Variants in RHOJ observed in about 807,000 individuals in gnomAD.
The protein encoded by RHOJ is ras homolog family member J.
RHOJ carries 11 observed loss-of-function variants against 23.4 expected under a neutral mutation model. The ratio of observed to expected loss-of-function variants is 0.47; its 90% CI spans 0.30 to 0.78. The LOEUF (loss-of-function observed/expected upper bound fraction) is 0.78, where lower values mean the gene tolerates loss of function less well. Among genes scored for constraint, RHOJ ranks in the 30% least tolerant of loss-of-function variants. RHOJ has a pLI of 0.08. For synonymous variants in RHOJ, 102 were observed against 102.7 expected, an observed-to-expected ratio of 0.99 and a Z score of 0.04; for missense variants, 254 against 273.4, an observed-to-expected ratio of 0.93 and a Z score of 0.50.
intron 1 of RHOJ, among the ~76,000 whole-genome samples, chr14:63,252,504 C>T (rs541374230): frequency 6.6e-6 from 1 of 152,320 alleles, no homozygotes; most frequent in East Asian, 1.9e-4. Flanking sequence ...AAATACTTTT[C>T]ATCCTGAAAA....
At chr14:63,249,449 A>G (rs564684121) in intron 1 of RHOJ, among the ~76,000 whole-genome samples, 1 of 152,212 alleles carries the variant, frequency 6.6e-6, no homozygotes, top group African/African-American at 2.4e-5. Context: ...CTACGCCTTG[A>G]CTCATGCAGT....
In RHOJ at chr14:63,258,554, TTGAC is replaced by T. The variant is rs199985750; in HGVS notation, c.179-10552_179-10549del. Reference sequence around the variant, plus strand: ...CATTCCCCTTCTATTTTCCCCTCCTTTGACTGAGGAGAGAAAGCACCCTTGGCCA... The same window carrying T: ...CATTCCCCTTCTATTTTCCCCTCCTTTGAGGAGAGAAAGCACCCTTGGCCA... On this transcript the variant is annotated intron_variant, in intron 1 of 4. Coordinates refer to ENST00000316754, the MANE Select transcript of RHOJ (RefSeq NM_020663.5). Among the ~76,000 whole-genome samples, 20 of 152,272 alleles carry T rather than the reference TTGAC, an allele frequency of 1.3e-4. No homozygotes were observed. In the East Asian group the frequency reaches 3.5e-3, roughly 26 times the overall value.
chr14:63,223,249 G>A (rs749801051), intron 1 of RHOJ, among the ~76,000 whole-genome samples: 41 of 152,176 alleles, frequency 2.7e-4, no homozygotes, highest in Non-Finnish European at 5.4e-4. Flanking sequence ...TATTGGTCTA[G>A]GAAAGAGGTC....
chr14:63,235,373 G>T (rs1566613182), intron 1 of RHOJ, among the ~76,000 whole-genome samples: 1 of 152,172 alleles, frequency 6.6e-6, no homozygotes, highest in South Asian at 2.1e-4. Flanking sequence ...CAGTGATTTA[G>T]ATTACATTAA....
At chr14:63,278,943 G>T (rs150670231) in intron 2 of RHOJ, among the ~76,000 whole-genome samples, 1 of 152,178 alleles carries the variant, frequency 6.6e-6, no homozygotes, top group African/African-American at 2.4e-5. Flanking sequence ...CCATGATCAC[G>T]CCATTGCACT....
At position 63,292,809 on chromosome 14, in the gene RHOJ, G is replaced by C. The variant is rs1236361076; in HGVS notation, c.*1785G>C. 1 of 152,086 alleles carries C rather than the reference G, an allele frequency of 6.6e-6. No individual in the cohort carries two copies. The highest frequency in any genetic ancestry group is 1.9e-4 in the East Asian group (1 of 5,182). 9.4% of individuals were successfully genotyped at this position (152,086 alleles called of 1,614,324 possible). A position where few individuals can be genotyped will look rare whatever the true frequency, so the allele number is the denominator to read the frequency against. The stretch of plus-strand genomic sequence containing the variant: ...CTATAAAAAAATTAAAAATTAGTCA[G>C]TTGTAGTGACACATACCTGTAGTCC... On this transcript the variant is annotated 3_prime_UTR_variant, in exon 5 of 5. Coordinates refer to ENST00000316754, the MANE Select transcript of RHOJ (RefSeq NM_020663.5).
intron 1 of RHOJ, among the ~76,000 whole-genome samples, chr14:63,255,365 G>T (rs540611001): frequency 1.3e-5 from 2 of 152,096 alleles, no homozygotes; most frequent in African/African-American, 2.4e-5. Flanking sequence ...CCCTTTATAC[G>T]TAACTGTCAA....
chr14:63,229,714 ACT>A (rs903851554), intron 1 of RHOJ, among the ~76,000 whole-genome samples: 3 of 151,912 alleles, frequency 2.0e-5, no homozygotes, highest in African/African-American at 4.8e-5. Context: ...GCTAGAGAAG[ACT>A]CTCTGCTTTT....
chr14:63,243,259 A>C (rs986861391), intron 1 of RHOJ, among the ~76,000 whole-genome samples: 1 of 152,202 alleles, frequency 6.6e-6, no homozygotes, highest in African/African-American at 2.4e-5. Flanking sequence ...CTGGTGTTTC[A>C]GTTGGAGTGA....
intron 1 of RHOJ, among the ~76,000 whole-genome samples, chr14:63,226,203 C>T (rs990133978): frequency 6.6e-6 from 1 of 151,998 alleles, no homozygotes; most frequent in Non-Finnish European, 1.5e-5. Flanking sequence ...AAAATAATGC[C>T]ATATGATAGG....
At chr14:63,278,915 G>T (rs1279051397) in intron 2 of RHOJ, among the ~76,000 whole-genome samples, 1 of 152,204 alleles carries the variant, frequency 6.6e-6, no homozygotes, top group Non-Finnish European at 1.5e-5. Flanking sequence ...GAGCCCGGCA[G>T]TCTGAAGCTG....
intron 1 of RHOJ, among the ~76,000 whole-genome samples, chr14:63,264,638 T>C (rs770182644): frequency 1.3e-5 from 2 of 152,230 alleles, no homozygotes; most frequent in Non-Finnish European, 2.9e-5. Context: ...ACATTTCCAC[T>C]AATAGTGTAT....
chr14:63,269,446 GT>G (rs112516150), intron 2 of RHOJ: 9 of 301,444 alleles, frequency 3.0e-5, no homozygotes, highest in African/African-American at 1.3e-4. Context: ...GTGACCACGA[GT>G]TTCAATTTCT....
intron 2 of RHOJ, among the ~76,000 whole-genome samples, chr14:63,270,170 C>CTTT (rs10680889): frequency 0.011 from 1,470 of 128,168 alleles, 15 homozygotes; most frequent in South Asian, 0.022. Flanking sequence ...TCGTCTAGGC[C>CTTT]TTTTTTTTTT....
At chr14:63,286,739 A>G (rs1199728223) in intron 4 of RHOJ, among the ~76,000 whole-genome samples, 2 of 152,208 alleles carry the variant, frequency 1.3e-5, no homozygotes, top group Non-Finnish European at 2.9e-5. Flanking sequence ...TCAGTCTGCC[A>G]CAATCCCCAC....
At chr14:63,228,573 T>C (rs966486816) in intron 1 of RHOJ, among the ~76,000 whole-genome samples, 1 of 151,682 alleles carries the variant, frequency 6.6e-6, no homozygotes, top group Non-Finnish European at 1.5e-5. Context: ...TAAAGTTGTA[T>C]GTGAAAAAAA....
intron 2 of RHOJ, among the ~76,000 whole-genome samples, chr14:63,271,671 T>C (rs1053561367): frequency 2.0e-5 from 3 of 152,266 alleles, no homozygotes; most frequent in Admixed American, 6.5e-5. Flanking sequence ...CTTGGATCAC[T>C]GCAACCTCCG....
intron 1 of RHOJ, among the ~76,000 whole-genome samples, chr14:63,264,691 T>G (rs1224154888): frequency 6.6e-6 from 1 of 152,236 alleles, no homozygotes; most frequent in African/African-American, 2.4e-5. Context: ...ATCAGTTGTT[T>G]TTTGACTTTT....
At chr14:63,285,782 T>A (rs1252982641) in intron 4 of RHOJ, among the ~76,000 whole-genome samples, 1 of 152,216 alleles carries the variant, frequency 6.6e-6, no homozygotes, top group Non-Finnish European at 1.5e-5. Context: ...ACCTAATATG[T>A]GCCAGGTGCT....
Sources: gnomAD v4.1 joint callset for allele counts (sites outside exome capture counted in the v4.1 genomes callset) on GRCh38, gnomAD v4.1.1 for gene constraint, MANE v1.5 for transcripts, NCBI Gene and HGNC (gene_info 2026-07-23, HGNC 2026-07-21) for gene names.